The following ROR2 variants were observed in gnomAD, a reference collection of about 807,000 sequenced individuals.
The protein encoded by ROR2 is tyrosine-protein kinase transmembrane receptor ROR2.
Under a neutral mutation model 74.9 loss-of-function variants are expected in ROR2, and 33 were observed. That is an observed-to-expected ratio of 0.44 (90% confidence interval 0.33 to 0.59). The LOEUF is 0.59. Ranked by LOEUF, ROR2 falls within the 20% of genes least tolerant of loss-of-function variation. The pLI, the probability that ROR2 is intolerant of heterozygous loss-of-function variation, is 0.02. For missense variants in ROR2, 1,216 were observed against 1,313.8 expected (o/e 0.93, Z 1.15); for synonymous variants, 586 against 558.7 (o/e 1.05, Z -0.69).
chr9:91,912,750 T>C (rs1290050207), intron 1 of ROR2, among the ~76,000 whole-genome samples: 2 of 152,252 alleles, frequency 1.3e-5, no homozygotes, highest in African/African-American at 2.4e-5. Context: ...ATTTTAATAT[T>C]GTTTCCCTTA....
intron 1 of ROR2, among the ~76,000 whole-genome samples, chr9:91,938,548 G>A (rs566972401): frequency 1.3e-5 from 2 of 152,234 alleles, no homozygotes; most frequent in Admixed American, 1.3e-4. Context: ...CTTGAGCCCA[G>A]GAGGTGGAGG....
At chr9:91,839,273 T>TGTGTAAGTACAGGC (rs1554681687) in intron 1 of ROR2, among the ~76,000 whole-genome samples, 41 of 130,768 alleles carry the variant, frequency 3.1e-4, no homozygotes, top group African/African-American at 8.1e-4. Flanking sequence ...TGTGTGTGTG[T>TGTGTAAGTACAGGC]GTGTGTGTGT....
At chr9:91,805,342 C>A (rs892582050) in intron 1 of ROR2, among the ~76,000 whole-genome samples, 2 of 152,300 alleles carry the variant, frequency 1.3e-5, no homozygotes, top group African/African-American at 4.8e-5. Flanking sequence ...CAGCCTGGGG[C>A]CCAGGTACAC....
At chr9:91,771,736 C>CTT (rs1259828379) in intron 2 of ROR2, among the ~76,000 whole-genome samples, 1 of 152,060 alleles carries the variant, frequency 6.6e-6, no homozygotes, top group Non-Finnish European at 1.5e-5. Flanking sequence ...CTCTCTCTCT[C>CTT]TCGATACCAT....
rs1300568045 is a variant in ROR2 at position 91,724,163 on chromosome 9, T to C, written c.2331A>G (p.Pro777=). Residue 777 remains proline (P), a synonymous_variant, in exon 9 of 9, where the codon CCA becomes CCG. Transcript: ENST00000375708. ...TTQTSSLSTS[P]VSNVSNARYV... ...AGCGGGCGTTGCTCACATTGCTCAC[T>C]GGGCTGGTGCTCAGGGAGCTGGTCT... The C allele has an allele frequency of 1.2e-6, 2 of 1,612,278 alleles. No homozygotes were observed. The highest frequency in any genetic ancestry group is 1.7e-5 in the Admixed American group (1 of 60,022).
chr9:91,827,590 A>C (rs140055303), intron 1 of ROR2, among the ~76,000 whole-genome samples: 2,011 of 151,550 alleles, frequency 0.013, 22 homozygotes, highest in Non-Finnish European at 0.021. Context: ...CCTAGAAGTG[A>C]AAGTACTGGG....
chr9:91,926,543 CA>C (rs34550588), intron 1 of ROR2, among the ~76,000 whole-genome samples: 18,524 of 101,022 alleles, frequency 0.18, 2,632 homozygotes, highest in African/African-American at 0.44. Context: ...GACTCCATCT[CA>C]AAAAAAAAAA....
intron 1 of ROR2, among the ~76,000 whole-genome samples, chr9:91,900,210 G>T (rs1418931255): frequency 2.0e-5 from 3 of 152,154 alleles, no homozygotes; most frequent in Admixed American, 2.0e-4. Context: ...CCCCAGGGCC[G>T]CCAGGGGGTG....
intron 4 of ROR2, among the ~76,000 whole-genome samples, chr9:91,743,799 T>C (rs1825321184): frequency 6.6e-6 from 1 of 152,136 alleles, no homozygotes; most frequent in Non-Finnish European, 1.5e-5. Flanking sequence ...TTGAAAATGG[T>C]TAAAATACCT....
In ROR2 at chr9:91,737,463, G is replaced by A. The variant is rs121909084; in HGVS notation, c.550C>T (p.Arg184Cys). 4 of 1,614,110 alleles carry A rather than the reference G, an allele frequency of 2.5e-6. No homozygotes were observed. The highest frequency in any genetic ancestry group is 2.5e-6 in the Non-Finnish European group (3 of 1,180,022). Reference protein sequence around the residue: ...CQPYRGIACARFIGNRTIYVD... With the variant: ...CQPYRGIACACFIGNRTIYVD... ...TAAATGGTCCGGTTGCCAATGAAGC[G>A]TGCACAGGCAATTCCCCGGTAAGGC... Residue 184 changes from arginine (R) to cysteine (C), a missense_variant, in exon 5 of 9, where the codon CGC (arginine) becomes TGC (cysteine). Transcript: ENST00000375708.
At position 91,775,817 on chromosome 9, in the gene ROR2, A is replaced by G. The variant is rs754060945; in HGVS notation, c.99T>C (p.Gly33=). The G allele has an allele frequency of 6.2e-7, 1 of 1,614,002 alleles. No individual in the cohort carries two copies. The highest frequency in any genetic ancestry group is 8.5e-7 in the Non-Finnish European group (1 of 1,179,950). ...ALLLSVSRTS[G]EVEVLDPNDP... is the part of the protein sequence containing the mutation. Reference sequence around the variant, plus strand: ...CGTTCGGATCCAGAACCTCCACTTCACCTGGGAAAAAGAAACCAGGATAGG... The same window carrying G: ...CGTTCGGATCCAGAACCTCCACTTCGCCTGGGAAAAAGAAACCAGGATAGG... Residue 33 remains glycine (G), a splice_region_variant and synonymous_variant, in exon 2 of 9, where the codon GGT becomes GGC. Transcript: ENST00000375708.
intron 1 of ROR2, among the ~76,000 whole-genome samples, chr9:91,826,003 G>C (rs564985572): frequency 2.6e-5 from 4 of 152,164 alleles, no homozygotes; most frequent in Non-Finnish European, 4.4e-5. Context: ...AACTCTCACT[G>C]GGTGGCTTCG....
intron 1 of ROR2, among the ~76,000 whole-genome samples, chr9:91,843,395 G>A (rs977396824): frequency 2.6e-5 from 4 of 152,242 alleles, no homozygotes; most frequent in Admixed American, 2.6e-4. Flanking sequence ...GCCCCATCAA[G>A]ACAGTCTGTT....
chr9:91,837,685 T>C (rs10992128), intron 1 of ROR2, among the ~76,000 whole-genome samples: 36,607 of 152,180 alleles, frequency 0.24, 4,900 homozygotes, highest in Admixed American at 0.42. Flanking sequence ...TCAAGATGTT[T>C]AACGTGTTTT....
At chr9:91,865,633 A>C (rs749006932) in intron 1 of ROR2, among the ~76,000 whole-genome samples, 1 of 152,232 alleles carries the variant, frequency 6.6e-6, no homozygotes, top group Non-Finnish European at 1.5e-5. Context: ...ACAATATTTC[A>C]TTTTCAAAAT....
intron 1 of ROR2, among the ~76,000 whole-genome samples, chr9:91,803,678 G>C (rs1266556875): frequency 6.6e-6 from 1 of 152,252 alleles, no homozygotes; most frequent in Non-Finnish European, 1.5e-5. Context: ...ATACACGGAT[G>C]TGTTTCCCTT....
At chr9:91,728,777 G>A (rs1837133276) in intron 7 of ROR2, among the ~76,000 whole-genome samples, 1 of 152,152 alleles carries the variant, frequency 6.6e-6, no homozygotes, top group Non-Finnish European at 1.5e-5. Context: ...ATATTTTCCT[G>A]CTCCTGTTTT....
At chr9:91,737,956 A>C (rs1825094910) in intron 4 of ROR2, among the ~76,000 whole-genome samples, 1 of 152,168 alleles carries the variant, frequency 6.6e-6, no homozygotes, top group Admixed American at 6.5e-5. Flanking sequence ...AAAACTATAG[A>C]GACTGGTTAT....
At chr9:91,824,027 CAAT>C (rs1225190043) in intron 1 of ROR2, among the ~76,000 whole-genome samples, 3 of 152,246 alleles carry the variant, frequency 2.0e-5, no homozygotes, top group African/African-American at 7.2e-5. Context: ...AGGCTTTTCA[CAAT>C]GAGCTGGTGC....
Sources: allele counts gnomAD v4.1 joint callset (sites outside exome capture counted in the v4.1 genomes callset), GRCh38; gene constraint gnomAD v4.1.1; transcripts MANE v1.5; gene names NCBI Gene and HGNC (gene_info 2026-07-23, HGNC 2026-07-21).